Variants in PTPRG observed in about 807,000 individuals in gnomAD.
PTPRG encodes the protein receptor-type tyrosine-protein phosphatase gamma.
Under a neutral mutation model 165.3 loss-of-function variants are expected in PTPRG, and 102 were observed. The observed-to-expected ratio is 0.62, with a 90% confidence interval of 0.53 to 0.73. The LOEUF (loss-of-function observed/expected upper bound fraction) is 0.73. Ranked by LOEUF, PTPRG falls within the 30% of genes least tolerant of loss-of-function variation. The pLI is 0.00. For missense variants in PTPRG, 1,866 were observed against 1,861.4 expected, an observed-to-expected ratio of 1.00 and a Z score of -0.05; for synonymous variants, 675 against 669.5, an observed-to-expected ratio of 1.01 and a Z score of -0.13.
chr3:61,673,694 C>T (rs747804923), intron 1 of PTPRG, among the ~76,000 whole-genome samples: 1 of 152,160 alleles, frequency 6.6e-6, no homozygotes, highest in East Asian at 1.9e-4. Flanking sequence ...GTATCCACCA[C>T]CCGAGTAATG....
chr3:62,011,306 G>A lies in PTPRG; in HGVS notation c.519+7809G>A, dbSNP rs567879388. Among the ~76,000 whole-genome samples, 20 of 152,308 alleles carry A rather than the reference G, an allele frequency of 1.3e-4. No individual in the cohort carries two copies. The South Asian group carries it at 3.5e-3, about 27-fold the overall frequency. ...CTGGTGTAAACACATGGGGCGGGTCGGAGGTTCTACGGGAACCCTTCCCTT... is the reference window on the plus strand; with the variant it reads ...CTGGTGTAAACACATGGGGCGGGTCAGAGGTTCTACGGGAACCCTTCCCTT... On this transcript the variant is annotated intron_variant, in intron 4 of 29. Coordinates refer to ENST00000474889, the MANE Select transcript of PTPRG (RefSeq NM_002841.4).
chr3:62,273,672 T>C lies in PTPRG; in HGVS notation c.3319-26T>C, dbSNP rs781439010. 5.6e-6 allele frequency: 9 copies of C among 1,610,836 alleles called. No homozygotes were observed. Among genetic ancestry groups the C allele is most frequent in the Middle Eastern group, 3.3e-4 (2 of 6,046 alleles). On this transcript the variant is annotated intron_variant, in intron 22 of 29. Transcript: ENST00000474889. The surrounding 1 kb of genome is among the most constrained non-coding windows in gnomAD (Gnocchi z 4.1). ...TGGCTAACCCTTAACACTCCCTCAG[T>C]GACTACCATGTATTGTACCTCTTAG... is the stretch of plus-strand genomic sequence containing the variant.
chr3:61,658,020 G>A (rs1702556503), intron 1 of PTPRG, among the ~76,000 whole-genome samples: 1 of 152,108 alleles, frequency 6.6e-6, no homozygotes, highest in African/African-American at 2.4e-5. Context: ...CCCACCCTAT[G>A]GACAGACACA....
intron 1 of PTPRG, among the ~76,000 whole-genome samples, chr3:61,700,460 C>A (rs558192413): frequency 2.0e-4 from 31 of 152,236 alleles, no homozygotes; most frequent in Non-Finnish European, 3.8e-4. Context: ...ATTGCCTTTT[C>A]TTTATATTTA....
chr3:61,805,554 A>G (rs1288003392), intron 2 of PTPRG, among the ~76,000 whole-genome samples: 9 of 144,108 alleles, frequency 6.2e-5, no homozygotes, highest in Admixed American at 4.1e-4. Context: ...AAAAAAAATC[A>G]AAGTGCCCCA....
At chr3:62,138,484 C>T (rs757661214) in intron 6 of PTPRG, among the ~76,000 whole-genome samples, 14 of 151,990 alleles carry the variant, frequency 9.2e-5, no homozygotes, top group Non-Finnish European at 1.8e-4. Context: ...TTTGGGAGGC[C>T]AAGGCAGGTG....
intron 2 of PTPRG, among the ~76,000 whole-genome samples, chr3:61,950,049 C>A (rs993781361): frequency 1.3e-5 from 2 of 152,068 alleles, no homozygotes; most frequent in African/African-American, 4.8e-5. Flanking sequence ...CCCGGCCAAG[C>A]CTTTAGTTTT....
chr3:61,849,918 T>C (rs895039692), intron 2 of PTPRG, among the ~76,000 whole-genome samples: 1 of 152,170 alleles, frequency 6.6e-6, no homozygotes, highest in African/African-American at 2.4e-5. Context: ...TTTTTAAGGC[T>C]ACTTTATTTT....
chr3:61,808,049 G>C (rs1254840341), intron 2 of PTPRG, among the ~76,000 whole-genome samples: 1 of 152,120 alleles, frequency 6.6e-6, no homozygotes, highest in African/African-American at 2.4e-5. Context: ...CCCTGACTCT[G>C]TGTAATCCTA....
chr3:62,051,419 G>A (rs1700465185), intron 4 of PTPRG, among the ~76,000 whole-genome samples: 1 of 151,972 alleles, frequency 6.6e-6, no homozygotes, highest in South Asian at 2.1e-4. Flanking sequence ...GAGCTACTGT[G>A]CAAGAAAAGA....
intron 2 of PTPRG, among the ~76,000 whole-genome samples, chr3:61,926,609 C>CTCCTTCCTTCCTTCCTTCCTTCCT (rs1190200426): frequency 9.5e-5 from 9 of 94,836 alleles, no homozygotes; most frequent in African/African-American, 2.9e-4. Flanking sequence ...CCCTCCCTCC[C>CTCCTTCCTTCCTTCCTTCCTTCCT]TCCTTCCTTC....
Position 61,592,095 on chromosome 3 carries a change from T to A in PTPRG, c.85+29723T>A, listed in dbSNP as rs547598539. Among the ~76,000 whole-genome samples, 13 of 151,974 alleles carry A rather than the reference T, an allele frequency of 8.6e-5. No homozygotes were observed. The South Asian group carries it at 2.7e-3, about 32-fold the overall frequency. ...TTCGAGCAATTCTCCTGCCTCAGCC[T>A]CCCGAGCAGCTGGGATTACAGGCCA... On this transcript the variant is annotated intron_variant, in intron 1 of 29. Transcript: ENST00000474889.
intron 2 of PTPRG, among the ~76,000 whole-genome samples, chr3:61,787,127 A>G (rs372771916): frequency 2.0e-5 from 3 of 152,208 alleles, no homozygotes; most frequent in Non-Finnish European, 2.9e-5. Context: ...TATTTAACCT[A>G]AGAAGCAAAT....
At chr3:62,029,637 G>A (rs1351200367) in intron 4 of PTPRG, among the ~76,000 whole-genome samples, 1 of 152,132 alleles carries the variant, frequency 6.6e-6, no homozygotes, top group Non-Finnish European at 1.5e-5. Flanking sequence ...ACTACAACAT[G>A]GGTGACCTTC....
At chr3:61,876,202 G>T (rs1041376770) in intron 2 of PTPRG, among the ~76,000 whole-genome samples, 122 of 152,238 alleles carry the variant, frequency 8.0e-4, no homozygotes, top group African/African-American at 2.7e-3. Flanking sequence ...TCAGATTGAG[G>T]GATATTCTAC....
At chr3:62,026,547 G>T (rs2041807669) in intron 4 of PTPRG, among the ~76,000 whole-genome samples, 2 of 152,130 alleles carry the variant, frequency 1.3e-5, no homozygotes. Flanking sequence ...GCATGACCTA[G>T]ACATGTAACT....
chr3:61,964,603 T>C (rs2040225678), intron 2 of PTPRG, among the ~76,000 whole-genome samples: 1 of 152,176 alleles, frequency 6.6e-6, no homozygotes, highest in Admixed American at 6.5e-5. Flanking sequence ...TGTTCTGCCT[T>C]TCTCCAGGCA....
chr3:62,273,998 A>G lies in PTPRG; in HGVS notation c.3465+154A>G, dbSNP rs1047350564. On this transcript the variant is annotated intron_variant, in intron 23 of 29. Transcript: ENST00000474889. The surrounding 1 kb of genome is among the most constrained non-coding windows in gnomAD (Gnocchi z 4.1). ...CCTTAAATGTGATGAAAAAGAAAAT[A>G]CGGTTTTGACCTATGTATGAATTGT... Among the ~76,000 whole-genome samples the G allele has an allele frequency of 2.0e-5, 3 of 152,198 alleles. No individual in the cohort carries two copies. Among genetic ancestry groups the G allele is most frequent in the African/African-American group, 4.8e-5 (2 of 41,444 alleles).
chr3:61,571,290 T>A (rs542655113), intron 1 of PTPRG, among the ~76,000 whole-genome samples: 1 of 152,302 alleles, frequency 6.6e-6, no homozygotes, highest in African/African-American at 2.4e-5. Flanking sequence ...GACTGTAATA[T>A]GTTTCTCTAA....
Sources: gnomAD v4.1 joint callset for allele counts (sites outside exome capture counted in the v4.1 genomes callset) on GRCh38, gnomAD v4.1.1 for gene constraint, Gnocchi (gnomAD v3.1) non-coding constraint, MANE v1.5 for transcripts, NCBI Gene and HGNC (gene_info 2026-07-23, HGNC 2026-07-21) for gene names.